The following RAD50 variants were observed in gnomAD, a reference collection of about 807,000 sequenced individuals.
The protein encoded by RAD50 is DNA repair protein RAD50.
Under a neutral mutation model 168.8 loss-of-function variants are expected in RAD50, and 132 were observed. The observed-to-expected ratio is 0.78, with a 90% CI of 0.68 to 0.90. The LOEUF is 0.90. Ranked by LOEUF, RAD50 falls within the 40% of genes least tolerant of loss-of-function variation. The pLI, the probability that RAD50 is intolerant of heterozygous loss-of-function variation, is 0.00. For synonymous variants in RAD50, 525 were observed against 497.4 expected (o/e 1.06, Z -0.74); for missense variants, 1,347 against 1,534.4 (o/e 0.88, Z 2.04).
chr5:132,576,075 G>T, intron 3 of RAD50, 147 bp downstream of exon 3: 2 of 834,076 alleles, frequency 2.4e-6, no homozygotes, highest in East Asian at 2.8e-5. Context: ...AGCAGTTTTG[G>T]GTTTATAGCA....
At chr5:132,574,337 C>T (rs547524232) in intron 2 of RAD50, among the ~76,000 whole-genome samples, 1 of 152,346 alleles carries the variant, frequency 6.6e-6, no homozygotes, top group South Asian at 2.1e-4. Context: ...CGGGCTTCCA[C>T]CCTTTGAAGC....
chr5:132,557,195 C>T lies in RAD50; in HGVS notation c.-130C>T. 7.7e-7 allele frequency: 1 copy of T among 1,300,470 alleles called. No homozygotes were observed. Among genetic ancestry groups the T allele is most frequent in the East Asian group, 2.4e-5 (1 of 42,384 alleles). The allele number at this position is 1,300,470 out of a possible 1,614,324, so 80.6% of individuals were successfully genotyped here. On this transcript the variant is annotated 5_prime_UTR_variant, in exon 1 of 25. Coordinates refer to ENST00000378823, the MANE Select transcript of RAD50 (RefSeq NM_005732.4). Reference sequence around the variant, plus strand: ...GCAGGATCTTTTGGCAGTCCTGTGGCCTCGCTCCCCGCCCGGATCCTCCTG... The same window carrying T: ...GCAGGATCTTTTGGCAGTCCTGTGGTCTCGCTCCCCGCCCGGATCCTCCTG...
intron 2 of RAD50, among the ~76,000 whole-genome samples, chr5:132,566,684 T>G (rs911821937): frequency 6.6e-6 from 1 of 152,234 alleles, no homozygotes; most frequent in Non-Finnish European, 1.5e-5. Context: ...TTCATGCAAT[T>G]CCCCTGGTTC....
intron 16 of RAD50, among the ~76,000 whole-genome samples, chr5:132,607,670 T>A (rs1415185630): frequency 1.3e-5 from 2 of 152,170 alleles, no homozygotes; most frequent in South Asian, 2.1e-4. Context: ...CAACCCTATT[T>A]AGATGATGAA....
Position 132,563,555 on chromosome 5 carries a change from T to C in RAD50, c.213+4188T>C, listed in dbSNP as rs1047133044. ...TTGATTAAGGGAGGTGTTCTGGGATTACATGACAGTGTCAGGGGTTTTGTG... is the reference window on the plus strand; with the variant it reads ...TTGATTAAGGGAGGTGTTCTGGGATCACATGACAGTGTCAGGGGTTTTGTG... On this transcript the variant is annotated intron_variant, in intron 2 of 24. Transcript: ENST00000378823. Among the ~76,000 whole-genome samples, 12 of 152,310 alleles carry C rather than the reference T, an allele frequency of 7.9e-5. No homozygotes were observed. In the East Asian group the frequency reaches 1.9e-3, roughly 24 times the overall value.
At chr5:132,602,143 T>C (rs1189898261) in intron 13 of RAD50, among the ~76,000 whole-genome samples, 1 of 152,020 alleles carries the variant, frequency 6.6e-6, no homozygotes, top group Non-Finnish European at 1.5e-5. Flanking sequence ...AATAAATAAT[T>C]AAAAAATTTT....
chr5:132,619,818 CT>C (rs1440820088), intron 21 of RAD50, among the ~76,000 whole-genome samples: 27 of 109,114 alleles, frequency 2.5e-4, no homozygotes, highest in African/African-American at 1.6e-3. Context: ...CTCTACTCCT[CT>C]CTCTCTCTCT....
intron 10 of RAD50, 132 bp downstream of exon 10, chr5:132,591,538 T>C (rs1299893122): frequency 1.2e-6 from 1 of 866,020 alleles, no homozygotes; most frequent in Admixed American, 2.6e-5. Flanking sequence ...AGCTTAGTAC[T>C]CTATATAATA....
At chr5:132,599,633 T>C (rs1750851521) in intron 13 of RAD50, among the ~76,000 whole-genome samples, 1 of 152,062 alleles carries the variant, frequency 6.6e-6, no homozygotes, top group African/African-American at 2.4e-5. Context: ...TTATAGCTCA[T>C]CGAAGCCTCG....
intron 11 of RAD50, among the ~76,000 whole-genome samples, chr5:132,592,468 A>C (rs140871324): frequency 6.6e-6 from 1 of 152,180 alleles, no homozygotes. Context: ...AACTCTTGCA[A>C]ATGGCCCTTG....
At chr5:132,558,889 A>C (rs1336282492) in intron 1 of RAD50, among the ~76,000 whole-genome samples, 1 of 152,204 alleles carries the variant, frequency 6.6e-6, no homozygotes, top group African/African-American at 2.4e-5. Context: ...CCTGGGCAGC[A>C]GAATGAGACC....
chr5:132,640,951 A>C (rs1348808267), intron 24 of RAD50, 146 bp downstream of exon 24: 2 of 1,389,254 alleles, frequency 1.4e-6, no homozygotes, highest in Non-Finnish European at 2.0e-6. Context: ...AGTTGGTGCC[A>C]GGCCCTGGGC....
chr5:132,574,620 AT>A (rs1477037532), intron 2 of RAD50, among the ~76,000 whole-genome samples: 2 of 152,060 alleles, frequency 1.3e-5, no homozygotes, highest in African/African-American at 2.4e-5. Flanking sequence ...AGAAAATGGG[AT>A]TTTATTTTCT....
At chr5:132,563,499 CAT>C (rs769852002) in intron 2 of RAD50, among the ~76,000 whole-genome samples, 5 of 152,272 alleles carry the variant, frequency 3.3e-5, no homozygotes, top group African/African-American at 1.2e-4. Context: ...GCCTAGAAAA[CAT>C]AGAATAGTTT....
rs1024421429 is a variant in RAD50, at chr5:132,623,821, G to A, written c.3389+5527G>A. 1.7e-3 allele frequency among the ~76,000 whole-genome samples: 266 copies of A among 152,300 alleles called. 1 individual carries two copies. The highest frequency in any genetic ancestry group is 6.2e-3 in the African/African-American group (256 of 41,568). ...CAGCATAGTCAACAGACCAACCTGA[G>A]CAGTGGCATTCAGACCACAGGGCTC... On this transcript the variant is annotated intron_variant, in intron 21 of 24. Coordinates refer to ENST00000378823, the MANE Select transcript of RAD50 (RefSeq NM_005732.4).
Position 132,621,075 on chromosome 5 carries a change from T to G in RAD50, c.3389+2781T>G, listed in dbSNP as rs184796028. ...TGTTCAAGGATCGGTTGTATTCTACTTTAGTTATTTGAGTGTTTACTTTTT... is the reference window on the plus strand; with the variant it reads ...TGTTCAAGGATCGGTTGTATTCTACGTTAGTTATTTGAGTGTTTACTTTTT... On this transcript the variant is annotated intron_variant, in intron 21 of 24. Transcript: ENST00000378823. Among the ~76,000 whole-genome samples, 3 of 152,266 alleles carry G rather than the reference T, an allele frequency of 2.0e-5. No individual in the cohort carries two copies. In the East Asian group the frequency reaches 5.8e-4, roughly 29 times the overall value.
chr5:132,594,226 T>C (rs1225734306), intron 11 of RAD50, among the ~76,000 whole-genome samples: 2 of 152,248 alleles, frequency 1.3e-5, no homozygotes, highest in African/African-American at 2.4e-5. Context: ...TATTACCGTC[T>C]ATTCTGTTTC....
Position 132,642,872 on chromosome 5 carries a change from C to T in RAD50, c.*508C>T. The T allele has an allele frequency of 5.2e-6, 2 of 381,390 alleles. No individual in the cohort carries two copies. The highest frequency in any genetic ancestry group is 1.1e-5 in the Non-Finnish European group (2 of 189,738). 23.6% of individuals were successfully genotyped at this position (381,390 alleles called of 1,614,324 possible). ...GCTTTTAACTTTATAAATCCAGTGACCTCTCTCTCTGGGACTTGGTTTCCC... is the reference window on the plus strand; with the variant it reads ...GCTTTTAACTTTATAAATCCAGTGATCTCTCTCTCTGGGACTTGGTTTCCC... On this transcript the variant is annotated 3_prime_UTR_variant, in exon 25 of 25. Transcript: ENST00000378823.
intron 21 of RAD50, among the ~76,000 whole-genome samples, chr5:132,631,209 C>T (rs1751459086): frequency 6.6e-6 from 1 of 151,464 alleles, no homozygotes; most frequent in African/African-American, 2.4e-5. Context: ...TAACCTCCAC[C>T]TCCCAGGTTC....
Sources: gnomAD v4.1 joint callset for allele counts (sites outside exome capture counted in the v4.1 genomes callset) on GRCh38, gnomAD v4.1.1 for gene constraint, MANE v1.5 for transcripts, NCBI Gene and HGNC (gene_info 2026-07-23, HGNC 2026-07-21) for gene names.